Variants in ALPK2 observed in about 807,000 individuals in gnomAD.
The protein encoded by ALPK2 is alpha-protein kinase 2.
ALPK2 carries 127 observed loss-of-function variants against 163.1 expected under a neutral mutation model. That is an observed-to-expected ratio of 0.78 (90% CI 0.67 to 0.90). The LOEUF is 0.90. ALPK2 is among the 40% of genes least tolerant of loss of function. The pLI is 0.00. For missense variants in ALPK2, 2,360 were observed against 2,589.6 expected, an observed-to-expected ratio of 0.91 and a Z score of 1.92; for synonymous variants, 953 against 959.1, an observed-to-expected ratio of 0.99 and a Z score of 0.12.
chr18:58,496,439 G>C (rs974954937), intron 12 of ALPK2, among the ~76,000 whole-genome samples: 1 of 152,186 alleles, frequency 6.6e-6, no homozygotes, highest in Non-Finnish European at 1.5e-5. Flanking sequence ...CCAGGGAAAA[G>C]GTCCAAACCG....
chr18:58,567,648 C>T (rs776675569), intron 4 of ALPK2, among the ~76,000 whole-genome samples: 4 of 152,114 alleles, frequency 2.6e-5, no homozygotes, highest in Non-Finnish European at 5.9e-5. Context: ...GTCAGTATAA[C>T]CAACACGTGG....
intron 3 of ALPK2, among the ~76,000 whole-genome samples, chr18:58,601,813 G>A (rs1273887075): frequency 2.0e-5 from 3 of 152,210 alleles, no homozygotes; most frequent in Non-Finnish European, 4.4e-5. Context: ...ACAGACCCAT[G>A]ATAACTAAGA....
At chr18:58,613,491 A>G (rs1175469367) in intron 1 of ALPK2, among the ~76,000 whole-genome samples, 1 of 151,918 alleles carries the variant, frequency 6.6e-6, no homozygotes, top group Non-Finnish European at 1.5e-5. Flanking sequence ...TCAGGAGTTC[A>G]AGACCATCCT....
At chr18:58,593,479 G>A (rs55833881) in intron 3 of ALPK2, among the ~76,000 whole-genome samples, 41,932 of 147,528 alleles carry the variant, frequency 0.28, 6,538 homozygotes, top group East Asian at 0.6. Context: ...CAGAAGAATC[G>A]CTTGAACCTG....
rs1831821070 is a variant in ALPK2 at position 58,540,631 on chromosome 18, T to C, written c.1963-2407A>G. The stretch of plus-strand genomic sequence containing the variant: ...AACATGGGGAACTTCCTGGTCATTA[T>C]GTGAAATGTATAGAGAGACTGCCCC... On this transcript the variant is annotated intron_variant, in intron 4 of 12. Coordinates refer to ENST00000361673, the MANE Select transcript of ALPK2 (RefSeq NM_052947.4). Among the ~76,000 whole-genome samples, 3 of 152,194 alleles carry C rather than the reference T, an allele frequency of 2.0e-5. No individual in the cohort carries two copies. In the South Asian group the frequency reaches 6.2e-4, roughly 32 times the overall value.
rs2051639599 is a variant in ALPK2, at chr18:58,535,502, C to A, written c.4685G>T (p.Gly1562Val). The A allele has an allele frequency of 4.3e-6, 7 of 1,614,160 alleles. No homozygotes were observed. The highest frequency in any genetic ancestry group is 5.9e-6 in the Non-Finnish European group (7 of 1,180,016). ...SLGVDTHNST[G>V]QIHDVPENDI... ...ATTTTCAGGGACGTCATGAATTTGG[C>A]CTGTGGAGTTGTGCGTGTCAACCCC... Residue 1562 changes from glycine (G) to valine (V), a missense_variant, in exon 5 of 13, where the codon GGC (glycine) becomes GTC (valine). By Grantham distance (109) the Gly-to-Val change is moderately radical. Coordinates refer to ENST00000361673, the MANE Select transcript of ALPK2 (RefSeq NM_052947.4).
chr18:58,574,471 G>A (rs2051908760), intron 4 of ALPK2, among the ~76,000 whole-genome samples: 1 of 151,136 alleles, frequency 6.6e-6, no homozygotes, highest in South Asian at 2.1e-4. Flanking sequence ...GATTTGGATG[G>A]TTTAGAACAG....
intron 1 of ALPK2, 27 bp from the exon 2 acceptor site, chr18:58,611,844 C>T: frequency 7.5e-7 from 1 of 1,337,018 alleles, no homozygotes; most frequent in Non-Finnish European, 1.0e-6. Context: ...TCCCCGACAT[C>T]ACCATTTGTT....
intron 8 of ALPK2, 73 bp downstream of exon 8, chr18:58,523,733 C>A (rs2051568350): frequency 1.3e-6 from 2 of 1,584,996 alleles, no homozygotes; most frequent in South Asian, 2.2e-5. Flanking sequence ...TGCTTCTACT[C>A]TTTCCTCTGG....
intron 4 of ALPK2, among the ~76,000 whole-genome samples, chr18:58,563,711 C>G (rs1032127566): frequency 1.3e-5 from 2 of 152,122 alleles, no homozygotes; most frequent in Admixed American, 1.3e-4. Context: ...ATTTTTAATG[C>G]CTGCATAGTC....
At chr18:58,596,110 CCTT>C (rs1379172788) in intron 3 of ALPK2, among the ~76,000 whole-genome samples, 1 of 152,172 alleles carries the variant, frequency 6.6e-6, no homozygotes, top group Admixed American at 6.5e-5. Flanking sequence ...AGTTGGTTTT[CCTT>C]CTTAAAAAAT....
intron 4 of ALPK2, among the ~76,000 whole-genome samples, chr18:58,547,884 C>G (rs564588151): frequency 6.6e-6 from 1 of 152,212 alleles, no homozygotes; most frequent in East Asian, 1.9e-4. Flanking sequence ...AGATTTCAGA[C>G]AAAATGATAA....
chr18:58,481,896 T>C lies in ALPK2; in HGVS notation c.6440A>G (p.Lys2147Arg). 6.2e-7 allele frequency: 1 copy of C among 1,614,208 alleles called. No homozygotes were observed. Among genetic ancestry groups the C allele is most frequent in the Non-Finnish European group, 8.5e-7 (1 of 1,180,036 alleles). The stretch of plus-strand genomic sequence containing the variant: ...CATAGAGTTTGTTTGAACTTTGCTT[T>C]TCCCAATGCTCGGCTGCTTCTGTTT... Reference protein sequence around the residue: ...NQKQKQPSIGKSKVQTNSMTI... With the variant: ...NQKQKQPSIGRSKVQTNSMTI... The change falls in exon 13 of 13, where the codon AAA (lysine) becomes AGA (arginine). Residue 2147 changes from lysine (K) to arginine (R), a missense_variant. Physicochemically the swap from Lys to Arg is conservative, Grantham distance 26. Transcript: ENST00000361673.
intron 10 of ALPK2, among the ~76,000 whole-genome samples, chr18:58,510,067 T>C (rs529431338): frequency 1.3e-5 from 2 of 152,314 alleles, no homozygotes; most frequent in East Asian, 3.9e-4. Flanking sequence ...TTATATAAGG[T>C]GTAAGGAAGG....
chr18:58,528,734 A>G (rs1045199939), intron 6 of ALPK2: 2 of 234,290 alleles, frequency 8.5e-6, no homozygotes, highest in Non-Finnish European at 8.4e-6. Flanking sequence ...AACACACCCA[A>G]GTTAAATTCA....
At chr18:58,600,922 G>C (rs2052066086) in intron 3 of ALPK2, among the ~76,000 whole-genome samples, 1 of 152,174 alleles carries the variant, frequency 6.6e-6, no homozygotes, top group South Asian at 2.1e-4. Context: ...CTGGATTCTA[G>C]AGCATATTAA....
chr18:58,578,733 G>GACACACACGCGCGCGCGCGCAC (rs908380706), intron 4 of ALPK2, 81 bp downstream of exon 4: 8 of 533,382 alleles, frequency 1.5e-5, no homozygotes, highest in African/African-American at 1.1e-4. Flanking sequence ...TAAAGGAAGA[G>GACACACACGCGCGCGCGCGCAC]ACACACACAC....
chr18:58,514,714 C>A (rs1488088263), intron 10 of ALPK2, among the ~76,000 whole-genome samples: 1 of 151,706 alleles, frequency 6.6e-6, no homozygotes, highest in African/African-American at 2.4e-5. Context: ...ATGGTAGATT[C>A]ATTTATTGGC....
Position 58,536,393 on chromosome 18 carries a change from C to A in ALPK2, c.3794G>T (p.Gly1265Val). ...CCAGACCTTGTCAGGAATTATGAGACCACCGTCTGATGCCTTGCTCTCAGA... is the reference window on the plus strand; with the variant it reads ...CCAGACCTTGTCAGGAATTATGAGAACACCGTCTGATGCCTTGCTCTCAGA... ...TNSESKASDGGLIIPDKVWAV... is the reference protein window; with the variant it reads ...TNSESKASDGVLIIPDKVWAV... The change falls in exon 5 of 13, where the codon GGT (glycine) becomes GTT (valine). Residue 1265 changes from glycine to valine, a missense_variant. Transcript: ENST00000361673. 1.2e-6 allele frequency: 2 copies of A among 1,614,202 alleles called. No individual in the cohort carries two copies. Among genetic ancestry groups the A allele is most frequent in the South Asian group, 2.2e-5 (2 of 91,074 alleles).
Sources: allele counts gnomAD v4.1 joint callset (sites outside exome capture counted in the v4.1 genomes callset), GRCh38; gene constraint gnomAD v4.1.1; transcripts MANE v1.5; gene names NCBI Gene and HGNC (gene_info 2026-07-23, HGNC 2026-07-21).